The following TMEM131L variants were observed in gnomAD, a reference collection of about 807,000 sequenced individuals.
The protein encoded by TMEM131L is transmembrane 131 like.
Under a neutral mutation model 192.2 loss-of-function variants are expected in TMEM131L, and 54 were observed. The ratio of observed to expected loss-of-function variants is 0.28; its 90% CI spans 0.23 to 0.35. The LOEUF is 0.35. Among genes scored for constraint, TMEM131L ranks in the 10% least tolerant of loss-of-function variants. The probability of loss-of-function intolerance (pLI) is 1.00; values close to 1 mark genes in which losing one functional copy is unlikely to be tolerated. For missense variants in TMEM131L, 1,888 were observed against 1,972.9 expected (o/e 0.96, Z 0.82); for synonymous variants, 701 against 704.9 (o/e 0.99, Z 0.09).
chr4:153,532,680 G>A (rs2150248747), intron 3 of TMEM131L, among the ~76,000 whole-genome samples: 1 of 151,828 alleles, frequency 6.6e-6, no homozygotes, highest in East Asian at 1.9e-4. Context: ...GGGAATTTCA[G>A]ATCATCTTCA....
At position 153,558,244 on chromosome 4, in the gene TMEM131L, C is replaced by T; in HGVS notation, c.550-14C>T. On this transcript the variant is annotated splice_polypyrimidine_tract_variant and intron_variant, in intron 6 of 34. Transcript: ENST00000409959. ...ACTCTTAACAGAGGAGCAATTCTCT[C>T]TCTTTTTCCGCAGGTATCTGGAATT... 3.6e-6 allele frequency: 5 copies of T among 1,408,266 alleles called. No individual in the cohort carries two copies. The highest frequency in any genetic ancestry group is 5.0e-6 in the Non-Finnish European group (5 of 999,890). The allele number at this position is 1,408,266 out of a possible 1,614,324, so 87.2% of individuals were successfully genotyped here.
At chr4:153,548,666 T>C (rs183410356) in intron 3 of TMEM131L, among the ~76,000 whole-genome samples, 2 of 152,170 alleles carry the variant, frequency 1.3e-5, no homozygotes, top group Admixed American at 1.3e-4. Flanking sequence ...AAACAGACTA[T>C]AATGGAGAGA....
At position 153,584,931 on chromosome 4, in the gene TMEM131L, G is replaced by A. The variant is rs1408836404; in HGVS notation, c.1157G>A (p.Gly386Glu). The change falls in exon 12 of 35, where the codon GGG becomes GAG. Residue 386 changes from glycine (G) to glutamate (E), a missense_variant and splice_region_variant. Gly to Glu is a moderately conservative substitution (Grantham distance 98, BLOSUM62 -2). Coordinates refer to ENST00000409959, the MANE Select transcript of TMEM131L (RefSeq NM_001131007.2). ...KACLFSSVAQGYFRMDSSATQ... is the reference protein window; with the variant it reads ...KACLFSSVAQEYFRMDSSATQ... The stretch of plus-strand genomic sequence containing the variant: ...TGCCTCTTCTCTTCTGTGGCTCAGG[G>A]GTAGGTTACTTCCACTTTCCCTGAA... 4 of 1,609,214 alleles carry A rather than the reference G, an allele frequency of 2.5e-6. No individual in the cohort carries two copies.
intron 7 of TMEM131L, among the ~76,000 whole-genome samples, chr4:153,563,420 T>C (rs1341943810): frequency 1.3e-5 from 2 of 149,366 alleles, no homozygotes; most frequent in East Asian, 2.0e-4. Flanking sequence ...AATTCAATCA[T>C]GAGAAAGGAA....
chr4:153,534,515 C>G (rs957135436), intron 3 of TMEM131L, among the ~76,000 whole-genome samples: 22 of 152,154 alleles, frequency 1.4e-4, no homozygotes, highest in Admixed American at 7.9e-4. Context: ...CTCACTGCAA[C>G]CTTTGCCTCC....
At chr4:153,478,585 T>C (rs1482638870) in intron 3 of TMEM131L, among the ~76,000 whole-genome samples, 2 of 152,200 alleles carry the variant, frequency 1.3e-5, no homozygotes, top group Non-Finnish European at 2.9e-5. Flanking sequence ...CACATTTCAC[T>C]AGTTTTTCCC....
At chr4:153,605,127 G>C (rs1732130364) in intron 25 of TMEM131L, among the ~76,000 whole-genome samples, 1 of 152,162 alleles carries the variant, frequency 6.6e-6, no homozygotes, top group African/African-American at 2.4e-5. Context: ...CAGGTTGCCT[G>C]GCCCTGGTTC....
At chr4:153,526,144 A>C (rs1202081829) in intron 3 of TMEM131L, among the ~76,000 whole-genome samples, 2 of 152,160 alleles carry the variant, frequency 1.3e-5, no homozygotes, top group Admixed American at 6.5e-5. Context: ...GGCGTGAGCC[A>C]CCACACCCAG....
At chr4:153,532,487 A>G (rs1561165278) in intron 3 of TMEM131L, among the ~76,000 whole-genome samples, 1 of 151,846 alleles carries the variant, frequency 6.6e-6, no homozygotes, top group Non-Finnish European at 1.5e-5. Flanking sequence ...TTCACATGGC[A>G]TACAATTTGC....
At chr4:153,590,228 T>G (rs937063304) in intron 16 of TMEM131L, among the ~76,000 whole-genome samples, 1 of 152,240 alleles carries the variant, frequency 6.6e-6, no homozygotes, top group Non-Finnish European at 1.5e-5. Flanking sequence ...ATGTTGATAC[T>G]TTTTAAAAGT....
intron 25 of TMEM131L, among the ~76,000 whole-genome samples, chr4:153,609,332 C>T (rs748865761): frequency 2.6e-5 from 4 of 152,106 alleles, no homozygotes; most frequent in African/African-American, 4.8e-5. Flanking sequence ...AACTAAATCT[C>T]GTGAGAACTC....
intron 7 of TMEM131L, among the ~76,000 whole-genome samples, chr4:153,568,904 A>G (rs758369816): frequency 6.6e-6 from 1 of 152,232 alleles, no homozygotes; most frequent in Non-Finnish European, 1.5e-5. Context: ...CCAGGGTAAG[A>G]GAGCCAGGAG....
intron 3 of TMEM131L, among the ~76,000 whole-genome samples, chr4:153,497,533 T>C (rs190066957): frequency 1.7e-3 from 253 of 152,290 alleles, no homozygotes; most frequent in Non-Finnish European, 2.8e-3. Context: ...CATAGAATTG[T>C]GTACCAGGAG....
intron 3 of TMEM131L, among the ~76,000 whole-genome samples, chr4:153,495,373 C>T (rs898803684): frequency 2.0e-5 from 3 of 152,000 alleles, no homozygotes; most frequent in East Asian, 1.9e-4. Flanking sequence ...AGGATATGCC[C>T]GGAACACAGC....
chr4:153,515,908 G>A (rs1410753039), intron 3 of TMEM131L, among the ~76,000 whole-genome samples: 1 of 147,586 alleles, frequency 6.8e-6, no homozygotes, highest in East Asian at 2.0e-4. Context: ...CAAATCCTCT[G>A]CCCATTTTTT....
At chr4:153,626,440 CAGGT>C (rs1404763821) in intron 30 of TMEM131L, among the ~76,000 whole-genome samples, 1 of 152,092 alleles carries the variant, frequency 6.6e-6, no homozygotes, top group Non-Finnish European at 1.5e-5. Context: ...TTTTTTCAGA[CAGGT>C]AGCCACGTTG....
chr4:153,528,965 G>C (rs1220501759), intron 3 of TMEM131L, among the ~76,000 whole-genome samples: 1 of 152,128 alleles, frequency 6.6e-6, no homozygotes, highest in Non-Finnish European at 1.5e-5. Flanking sequence ...TGGCCTCCGA[G>C]AGTTGTGGCC....
chr4:153,616,030 A>C (rs1732951754), intron 26 of TMEM131L, among the ~76,000 whole-genome samples: 1 of 151,946 alleles, frequency 6.6e-6, no homozygotes, highest in Non-Finnish European at 1.5e-5. Flanking sequence ...CTCTGTCCCT[A>C]GAGCTCAAGG....
At position 153,604,261 on chromosome 4, in the gene TMEM131L, T is replaced by G. The variant is rs756521693; in HGVS notation, c.3249T>G (p.Cys1083Trp). ...GTATGAAGGAGGGAATACAGACATG[T>G]ATGTTTCCTAAGGAAACTGACATTA... is the stretch of plus-strand genomic sequence containing the variant. The part of the protein sequence containing the change: ...ECSMKEGIQT[C>W]MFPKETDIKT... The change falls in exon 25 of 35, where the codon TGT (cysteine) becomes TGG (tryptophan). Residue 1083 changes from cysteine to tryptophan, a missense_variant. By Grantham distance (215) the Cys-to-Trp change is radical (BLOSUM62 -2). Transcript: ENST00000409959. 1 of 1,614,136 alleles carries G rather than the reference T, an allele frequency of 6.2e-7. No individual in the cohort carries two copies. The highest frequency in any genetic ancestry group is 8.5e-7 in the Non-Finnish European group (1 of 1,180,002).
Sources: gnomAD v4.1 joint callset for allele counts (sites outside exome capture counted in the v4.1 genomes callset) on GRCh38, gnomAD v4.1.1 for gene constraint, MANE v1.5 for transcripts, NCBI Gene and HGNC (gene_info 2026-07-23, HGNC 2026-07-21) for gene names.